Variants in C3orf85 observed in about 807,000 individuals in gnomAD.
C3orf85 encodes the protein chromosome 3 open reading frame 85.
Under a neutral mutation model 1.7 loss-of-function variants are expected in C3orf85, and 1 was observed. The ratio of observed to expected loss-of-function variants is 0.60; its 90% CI spans 0.21 to 2.86. The LOEUF (loss-of-function observed/expected upper bound fraction) is 2.86, where lower values mean the gene tolerates loss of function less well. Ranked by LOEUF, C3orf85 falls within the 30% of genes most tolerant of loss-of-function variation. C3orf85 has a pLI of 0.22. For missense variants in C3orf85, 29 were observed against 21.3 expected (o/e 1.36, Z -0.72); for synonymous variants, 17 against 8.0 (o/e 2.13, Z -1.90).
chr3:109,139,224 T>C (rs919965521), intron 2 of C3orf85, among the ~76,000 whole-genome samples: 3 of 152,234 alleles, frequency 2.0e-5, no homozygotes, highest in Admixed American at 2.0e-4. Flanking sequence ...CTCTCCCCTC[T>C]GGCACTGCAG....
chr3:109,139,366 A>T (rs1706714620), intron 2 of C3orf85, among the ~76,000 whole-genome samples: 1 of 152,190 alleles, frequency 6.6e-6, no homozygotes, highest in Admixed American at 6.5e-5. Flanking sequence ...TACCTGACAA[A>T]ATTGAGCAGA....
intron 2 of C3orf85, among the ~76,000 whole-genome samples, chr3:109,142,490 C>A (rs1006680380): frequency 6.6e-6 from 1 of 152,170 alleles, no homozygotes; most frequent in Admixed American, 6.5e-5. Context: ...GGTAATACCC[C>A]AGATATCAGT....
chr3:109,147,121 T>G (rs1262756719), intron 2 of C3orf85, among the ~76,000 whole-genome samples: 1 of 152,196 alleles, frequency 6.6e-6, no homozygotes, highest in African/African-American at 2.4e-5. Flanking sequence ...TAAATCCAAT[T>G]TTTTCTTCAA....
intron 2 of C3orf85, among the ~76,000 whole-genome samples, chr3:109,144,153 A>G (rs1343223007): frequency 1.3e-5 from 2 of 152,214 alleles, no homozygotes; most frequent in African/African-American, 2.4e-5. Context: ...AATAAAACTC[A>G]GGGTTCAGTT....
At chr3:109,137,696 G>C (rs1238146024) in intron 2 of C3orf85, among the ~76,000 whole-genome samples, 1 of 133,836 alleles carries the variant, frequency 7.5e-6, no homozygotes, top group African/African-American at 2.7e-5. Context: ...CCTAAACATA[G>C]AAATAATTTT....
chr3:109,144,746 A>T (rs1190661501), intron 2 of C3orf85, among the ~76,000 whole-genome samples: 1 of 152,210 alleles, frequency 6.6e-6, no homozygotes, highest in Non-Finnish European at 1.5e-5. Context: ...AAGTAACACT[A>T]TCTTAAGCAA....
chr3:109,149,743 A>G, intron 3 of C3orf85, 62 bp from the exon 4 acceptor site: 1 of 397,730 alleles, frequency 2.5e-6, no homozygotes, highest in Non-Finnish European at 4.4e-6. Flanking sequence ...TAATCAGAAT[A>G]ACTGATGCAA....
In C3orf85 at chr3:109,138,576, G is replaced by GT. The variant is rs1375157543; in HGVS notation, c.49+1686dup. Among the ~76,000 whole-genome samples the GT allele has an allele frequency of 4.6e-5, 7 of 151,944 alleles. No individual in the cohort carries two copies. In the East Asian group the frequency reaches 1.4e-3, roughly 29 times the overall value. ...ATTTTTTTTTAAAGTTTATTTTCAT[G>GT]TTTTTTAAGTTTTCTCTATTATAGC... On this transcript the variant is annotated intron_variant, in intron 2 of 3. Coordinates refer to ENST00000622536, the MANE Select transcript of C3orf85 (RefSeq NM_001351622.2).
chr3:109,150,146 A>G lies in C3orf85; in HGVS notation c.*252A>G. The G allele has an allele frequency of 4.3e-6, 1 of 234,084 alleles. No homozygotes were observed. Among genetic ancestry groups the G allele is most frequent in the East Asian group, 7.9e-5 (1 of 12,712 alleles). The allele number at this position is 234,084 out of a possible 1,614,324, so 14.5% of individuals were successfully genotyped here. ...AAAAAAGGCTGTAGTAATAACATTT[A>G]CCAAAACGATGGCATTTATGGGAAA... On this transcript the variant is annotated 3_prime_UTR_variant, in exon 4 of 4. Transcript: ENST00000622536.
chr3:109,139,014 G>T (rs1016783675), intron 2 of C3orf85, among the ~76,000 whole-genome samples: 2 of 152,140 alleles, frequency 1.3e-5, no homozygotes, highest in Admixed American at 1.3e-4. Context: ...ACTTTGCATA[G>T]GCTATCTTAG....
rs189355305 is a variant in C3orf85 at position 109,149,879 on chromosome 3, G to A, written c.258G>A (p.Met86Ile). The A allele has an allele frequency of 5.0e-6, 2 of 398,438 alleles. No individual in the cohort carries two copies. Among genetic ancestry groups the A allele is most frequent in the East Asian group, 3.6e-5 (1 of 28,038 alleles). 24.7% of individuals were successfully genotyped at this position (398,438 alleles called of 1,614,324 possible). The part of the protein sequence containing the change: ...YLDMNTFTFD[M>I]STAQ ...ATATGAATACCTTCACCTTTGACATGTCTACTGCCCAGTAAATATGTTTTC... is the reference window on the plus strand; with the variant it reads ...ATATGAATACCTTCACCTTTGACATATCTACTGCCCAGTAAATATGTTTTC... The change falls in exon 4 of 4, where the codon ATG becomes ATA. Residue 86 changes from methionine (M) to isoleucine (I), a missense_variant. Coordinates refer to ENST00000622536, the MANE Select transcript of C3orf85 (RefSeq NM_001351622.2).
At chr3:109,149,192 CT>C (rs752081486) in intron 3 of C3orf85, 1 of 151,990 alleles carries the variant, frequency 6.6e-6, no homozygotes, top group Non-Finnish European at 1.5e-5. Flanking sequence ...TTCTTTCTTT[CT>C]TTCCACATAT....
At chr3:109,139,643 T>C (rs1399715) in intron 2 of C3orf85, among the ~76,000 whole-genome samples, 119,864 of 152,044 alleles carry the variant, frequency 0.79, 48,225 homozygotes, top group East Asian at 0.93. Context: ...AAATGAAAAA[T>C]AGATTTATTT....
chr3:109,142,744 G>A (rs1280443926), intron 2 of C3orf85, among the ~76,000 whole-genome samples: 1 of 150,862 alleles, frequency 6.6e-6, no homozygotes, highest in Admixed American at 6.6e-5. Context: ...GAGGCTTTGA[G>A]CAACAGACTA....
chr3:109,149,751 C>G, intron 3 of C3orf85, 54 bp from the exon 4 acceptor site: 1 of 397,808 alleles, frequency 2.5e-6, no homozygotes, highest in Non-Finnish European at 4.4e-6. Context: ...ATAACTGATG[C>G]AAGATGTGTT....
rs1429425050 is a variant in C3orf85, at chr3:109,150,005, A to G, written c.*111A>G. The stretch of plus-strand genomic sequence containing the variant: ...AGGGTATATCCATGCTGTTTACTAC[A>G]TTATTTATTATGTCTGTCTCAAAGT... On this transcript the variant is annotated 3_prime_UTR_variant, in exon 4 of 4. Transcript: ENST00000622536. The G allele has an allele frequency of 2.6e-6, 1 of 390,280 alleles. No individual in the cohort carries two copies. Among genetic ancestry groups the G allele is most frequent in the Non-Finnish European group, 4.5e-6 (1 of 220,806 alleles). The allele number at this position is 390,280 out of a possible 1,614,324, so 24.2% of individuals were successfully genotyped here.
intron 3 of C3orf85, chr3:109,148,981 G>A (rs966206359): frequency 6.6e-6 from 1 of 151,922 alleles, no homozygotes; most frequent in African/African-American, 2.4e-5. Flanking sequence ...TTGCATTCTC[G>A]CTGCAAAAGA....
At chr3:109,142,702 T>C (rs1374458375) in intron 2 of C3orf85, among the ~76,000 whole-genome samples, 1 of 149,666 alleles carries the variant, frequency 6.7e-6, no homozygotes, top group Admixed American at 6.6e-5. Context: ...GCATGTGCTC[T>C]GTTTTTTTTT....
At position 109,149,867 on chromosome 3, in the gene C3orf85, C is replaced by T; in HGVS notation, c.246C>T (p.Phe82=). ...TAQYYLDMNT[F]TFDMSTAQ ...AGTATTATTTGGATATGAATACCTT[C>T]ACCTTTGACATGTCTACTGCCCAGT... is the stretch of plus-strand genomic sequence containing the variant. The change falls in exon 4 of 4, where the codon TTC becomes TTT. Residue 82 remains phenylalanine (F), a synonymous_variant. Transcript: ENST00000622536. 1 of 398,484 alleles carries T rather than the reference C, an allele frequency of 2.5e-6. No homozygotes were observed. The highest frequency in any genetic ancestry group is 4.4e-6 in the Non-Finnish European group (1 of 225,674). The allele number at this position is 398,484 out of a possible 1,614,324, so 24.7% of individuals were successfully genotyped here. A position where few individuals can be genotyped will look rare whatever the true frequency, so the allele number is the denominator to read the frequency against.
Sources: allele counts gnomAD v4.1 joint callset (sites outside exome capture counted in the v4.1 genomes callset), GRCh38; gene constraint gnomAD v4.1.1; transcripts MANE v1.5; gene names NCBI Gene and HGNC (gene_info 2026-07-23, HGNC 2026-07-21).